The following ATAD1 variants were observed in gnomAD, a reference collection of about 807,000 sequenced individuals.
ATAD1 encodes outer mitochondrial transmembrane helix translocase.
Under a neutral mutation model 42.7 loss-of-function variants are expected in ATAD1, and 18 were observed. The observed-to-expected ratio is 0.42, with a 90% CI of 0.29 to 0.63. The LOEUF is 0.63. ATAD1 is among the 20% of genes least tolerant of loss of function. The probability of loss-of-function intolerance (pLI) is 0.19; values close to 1 mark genes in which losing one functional copy is unlikely to be tolerated. For synonymous variants in ATAD1, 132 were observed against 143.1 expected (o/e 0.92, Z 0.55); for missense variants, 294 against 440.4 (o/e 0.67, Z 2.98).
intron 2 of ATAD1, among the ~76,000 whole-genome samples, chr10:87,798,554 T>TG (rs1856511831): frequency 6.7e-6 from 1 of 149,266 alleles, no homozygotes; most frequent in African/African-American, 2.6e-5. Flanking sequence ...AGGTTTTTTG[T>TG]GTTTTTTTTT....
rs145501183 is a variant in ATAD1 at position 87,824,266 on chromosome 10, T to C, written c.-13-9654A>G. ...GGAGGAAAGACAAGTGGTCCAAAGG[T>C]ATGACATACGATTCAAACCATTTTA... On this transcript the variant is annotated intron_variant, in intron 1 of 4. Coordinates refer to the ATAD1 transcript ENST00000495903. Among the ~76,000 whole-genome samples the C allele has an allele frequency of 3.9e-3, 582 of 150,362 alleles. 6 individuals are homozygous for C. Among genetic ancestry groups the C allele is most frequent in the African/African-American group, 0.014 (559 of 39,808 alleles).
chr10:87,786,845 C>T (rs1393318540), intron 4 of ATAD1, among the ~76,000 whole-genome samples: 2 of 152,038 alleles, frequency 1.3e-5, no homozygotes, highest in African/African-American at 4.8e-5. Flanking sequence ...ATCCCAGCTA[C>T]TGGGGAGGCT....
At chr10:87,800,058 A>T (rs1856610530) in intron 2 of ATAD1, among the ~76,000 whole-genome samples, 1 of 151,820 alleles carries the variant, frequency 6.6e-6, no homozygotes, top group Non-Finnish European at 1.5e-5. Flanking sequence ...CATGTCATGA[A>T]TGGTCTAAGA....
In ATAD1 at chr10:87,798,052, C is replaced by G. The variant is rs150885302; in HGVS notation, c.163-5297G>C. 8.5e-5 allele frequency among the ~76,000 whole-genome samples: 13 copies of G among 152,120 alleles called. No homozygotes were observed. The East Asian group carries it at 2.5e-3, about 30-fold the overall frequency. On this transcript the variant is annotated intron_variant, in intron 2 of 9. Coordinates refer to ENST00000680024, the MANE Select transcript of ATAD1 (RefSeq NM_001321967.2). ...GTGCAGTGGCCTTACAAGAAAATCC[C>G]CAACAAAAATTAATTTTTAAAAAGG... is the stretch of plus-strand genomic sequence containing the variant.
intron 8 of ATAD1, among the ~76,000 whole-genome samples, chr10:87,757,430 G>A (rs1000645483): frequency 6.6e-6 from 1 of 152,120 alleles, no homozygotes; most frequent in African/African-American, 2.4e-5. Flanking sequence ...ATAGACTTGA[G>A]ATAGTCTAAT....
At chr10:87,803,046 T>C (rs1856775783) in intron 2 of ATAD1, among the ~76,000 whole-genome samples, 1 of 152,222 alleles carries the variant, frequency 6.6e-6, no homozygotes, top group African/African-American at 2.4e-5. Flanking sequence ...GCAACTTAGT[T>C]ACATACATAA....
chr10:87,768,898 C>A (rs1220858081), intron 7 of ATAD1, among the ~76,000 whole-genome samples: 2 of 152,080 alleles, frequency 1.3e-5, no homozygotes, highest in African/African-American at 4.8e-5. Flanking sequence ...GCCTGGGCAA[C>A]ATAGTGAGAC....
chr10:87,764,456 C>T (rs777311154), intron 8 of ATAD1, among the ~76,000 whole-genome samples: 2 of 151,906 alleles, frequency 1.3e-5, no homozygotes, highest in African/African-American at 4.8e-5. Flanking sequence ...AGCAAGACTC[C>T]GTCACAAAAA....
intron 4 of ATAD1, among the ~76,000 whole-genome samples, chr10:87,785,761 T>C (rs899507729): frequency 6.6e-6 from 1 of 151,790 alleles, no homozygotes; most frequent in Admixed American, 6.6e-5. Context: ...CCTGATTCCA[T>C]AACTCTAGCA....
intron 8 of ATAD1, chr10:87,759,835 T>C (rs756197606): frequency 6.7e-6 from 3 of 450,778 alleles, no homozygotes; most frequent in South Asian, 4.7e-5. Flanking sequence ...GAGGATTAAA[T>C]AAAACAATGT....
At chr10:87,772,569 A>G (rs1230538906) in intron 6 of ATAD1, among the ~76,000 whole-genome samples, 1 of 152,190 alleles carries the variant, frequency 6.6e-6, no homozygotes, top group Non-Finnish European at 1.5e-5. Context: ...ACTGTGGTTA[A>G]GTCAATATTT....
intron 8 of ATAD1, among the ~76,000 whole-genome samples, chr10:87,762,199 A>G (rs1343740584): frequency 1.3e-5 from 2 of 152,180 alleles, no homozygotes; most frequent in East Asian, 1.9e-4. Context: ...AGACCACACT[A>G]TATTTCAAAA....
intron 2 of ATAD1, among the ~76,000 whole-genome samples, chr10:87,813,381 T>G (rs1362512725): frequency 1.3e-5 from 2 of 151,474 alleles, no homozygotes; most frequent in Non-Finnish European, 2.9e-5. Context: ...TCTACCCTGG[T>G]CAGACTTCCC....
chr10:87,813,831 G>A (rs1857294643), intron 2 of ATAD1, among the ~76,000 whole-genome samples: 1 of 151,282 alleles, frequency 6.6e-6, no homozygotes. Flanking sequence ...TAAAAAAAAA[G>A]AGCCAGAAGG....
At chr10:87,780,977 G>A (rs1260536215) in intron 5 of ATAD1, among the ~76,000 whole-genome samples, 1 of 152,168 alleles carries the variant, frequency 6.6e-6, no homozygotes, top group Non-Finnish European at 1.5e-5. Context: ...TTTCAGGTAT[G>A]AAGTCTAAAT....
chr10:87,756,161 G>T (rs1854213884), intron 9 of ATAD1, among the ~76,000 whole-genome samples: 2 of 152,176 alleles, frequency 1.3e-5, no homozygotes, highest in African/African-American at 4.8e-5. Flanking sequence ...ACAAGAGTTG[G>T]AGAATTCCTT....
chr10:87,771,430 T>C (rs1855025015), intron 6 of ATAD1, among the ~76,000 whole-genome samples: 3 of 152,122 alleles, frequency 2.0e-5, no homozygotes, highest in African/African-American at 7.2e-5. Context: ...GGTATACAGT[T>C]TGGGAGTATA....
intron 1 of ATAD1, among the ~76,000 whole-genome samples, chr10:87,836,793 G>C (rs1857937969): frequency 6.6e-6 from 1 of 152,032 alleles, no homozygotes; most frequent in Non-Finnish European, 1.5e-5. Flanking sequence ...TTCTTCTTCT[G>C]GATCTCCGAT....
chr10:87,754,923 C>T, intron 9 of ATAD1, 116 bp from the exon 10 acceptor site: 1 of 1,280,226 alleles, frequency 7.8e-7, no homozygotes, highest in Non-Finnish European at 1.0e-6. Context: ...TTGTTTTCAA[C>T]TGTAGAAAAG....
Sources: gnomAD v4.1 joint callset for allele counts (sites outside exome capture counted in the v4.1 genomes callset) on GRCh38, gnomAD v4.1.1 for gene constraint, MANE v1.5 for transcripts, NCBI Gene and HGNC (gene_info 2026-07-23, HGNC 2026-07-21) for gene names.